Variants in SMYD3 observed in about 807,000 individuals in gnomAD.
SMYD3 encodes SET and MYND domain containing 3.
Under a neutral mutation model 57.7 loss-of-function variants are expected in SMYD3, and 36 were observed. The observed-to-expected ratio is 0.62, with a 90% CI of 0.48 to 0.82. SMYD3 has a LOEUF of 0.82. Among genes scored for constraint, SMYD3 ranks in the 40% least tolerant of loss-of-function variants. The pLI is 0.00. For missense variants in SMYD3, 515 were observed against 538.8 expected, an observed-to-expected ratio of 0.96 and a Z score of 0.44; for synonymous variants, 211 against 195.0, an observed-to-expected ratio of 1.08 and a Z score of -0.68.
intron 1 of SMYD3, among the ~76,000 whole-genome samples, chr1:246,397,813 G>A (rs1394479232): frequency 6.6e-6 from 1 of 152,060 alleles, no homozygotes; most frequent in Non-Finnish European, 1.5e-5. Flanking sequence ...AGGGAATGGG[G>A]AATGCTGACT....
At chr1:246,378,827 A>T (rs1421735130) in intron 1 of SMYD3, among the ~76,000 whole-genome samples, 1 of 114,088 alleles carries the variant, frequency 8.8e-6, no homozygotes, top group African/African-American at 3.4e-5. Flanking sequence ...ATATTTATAT[A>T]GTATATATAA....
chr1:246,301,042 T>C (rs1304744647), intron 5 of SMYD3, among the ~76,000 whole-genome samples: 1 of 152,154 alleles, frequency 6.6e-6, no homozygotes. Context: ...AAGTCGTCAC[T>C]GATTATCAAT....
intron 5 of SMYD3, among the ~76,000 whole-genome samples, chr1:245,943,930 T>G (rs1481588221): frequency 6.6e-6 from 1 of 152,104 alleles, no homozygotes; most frequent in Non-Finnish European, 1.5e-5. Context: ...TTGAGAAAAT[T>G]CAACACCCCC....
At chr1:245,881,165 A>G (rs571518532) in intron 8 of SMYD3, among the ~76,000 whole-genome samples, 1 of 152,328 alleles carries the variant, frequency 6.6e-6, no homozygotes, top group East Asian at 1.9e-4. Flanking sequence ...ATCTAAGTAT[A>G]CCACCAAACC....
At chr1:245,955,220 T>C (rs2057797338) in intron 5 of SMYD3, among the ~76,000 whole-genome samples, 1 of 151,818 alleles carries the variant, frequency 6.6e-6, no homozygotes, top group Non-Finnish European at 1.5e-5. Context: ...GCCTCCTGAG[T>C]AGCTGGGACT....
chr1:246,329,153 G>A (rs1050861223), intron 4 of SMYD3, among the ~76,000 whole-genome samples: 5 of 152,118 alleles, frequency 3.3e-5, no homozygotes, highest in African/African-American at 9.7e-5. Flanking sequence ...ATAAACATAC[G>A]TGTGCATGTG....
intron 1 of SMYD3, among the ~76,000 whole-genome samples, chr1:246,376,470 A>T (rs12021688): frequency 0.23 from 34,507 of 151,284 alleles, 4,255 homozygotes; most frequent in East Asian, 0.51. Flanking sequence ...AGGTGCCTGT[A>T]ATCCCAGCTA....
intron 10 of SMYD3, among the ~76,000 whole-genome samples, chr1:245,811,688 C>A (rs547299297): frequency 3.3e-5 from 5 of 152,308 alleles, no homozygotes; most frequent in African/African-American, 9.6e-5. Context: ...AAACACAGAT[C>A]AGTGAGGAGT....
chr1:245,824,443 G>A (rs1303854506), intron 10 of SMYD3, among the ~76,000 whole-genome samples: 2 of 152,192 alleles, frequency 1.3e-5, no homozygotes, highest in Admixed American at 6.5e-5. Context: ...CAGGCCGGGC[G>A]CAGTGGCTCA....
chr1:246,148,209 G>A (rs983400747), intron 5 of SMYD3, among the ~76,000 whole-genome samples: 1 of 152,146 alleles, frequency 6.6e-6, no homozygotes, highest in Non-Finnish European at 1.5e-5. Context: ...TCCCCTCTGA[G>A]GTCCATAAAA....
intron 1 of SMYD3, among the ~76,000 whole-genome samples, chr1:246,480,646 C>A (rs986056690): frequency 1.3e-5 from 2 of 152,110 alleles, no homozygotes; most frequent in Non-Finnish European, 2.9e-5. Flanking sequence ...TGTCACTGTA[C>A]AGCAAAAATA....
chr1:246,150,042 G>GT (rs1553301068), intron 5 of SMYD3, among the ~76,000 whole-genome samples: 1 of 152,112 alleles, frequency 6.6e-6, no homozygotes, highest in Admixed American at 6.5e-5. Context: ...AAGAAATTCT[G>GT]TTTTTTTAAC....
intron 1 of SMYD3, among the ~76,000 whole-genome samples, chr1:246,386,849 TTGTTATACAATCCTA>T (rs1167600376): frequency 6.6e-6 from 1 of 152,058 alleles, no homozygotes; most frequent in Non-Finnish European, 1.5e-5. Flanking sequence ...CATTATAAGA[TTGTTATACAATCCTA>T]TGTTATACAA....
intron 11 of SMYD3, among the ~76,000 whole-genome samples, chr1:245,762,333 T>C (rs1352098788): frequency 6.6e-6 from 1 of 152,184 alleles, no homozygotes; most frequent in Non-Finnish European, 1.5e-5. Flanking sequence ...TCTAGTCCCA[T>C]ATAAACACAA....
Position 245,829,071 on chromosome 1 carries a change from C to CT in SMYD3, c.1076+29424dup, listed in dbSNP as rs11291631. On this transcript the variant is annotated intron_variant, in intron 10 of 11. Coordinates refer to ENST00000490107, the MANE Select transcript of SMYD3 (RefSeq NM_001167740.2). ...TGTCCTCTTCACCTTCTTAGCCTGG[C>CT]TTTTTTTTTTTTTTTTCTGTACTGC... 9.8e-3 allele frequency among the ~76,000 whole-genome samples: 1,284 copies of CT among 130,700 alleles called. 11 individuals carry two copies. Among genetic ancestry groups the CT allele is most frequent in the African/African-American group, 0.033 (1,154 of 34,862 alleles). The allele number at this position is 130,700 out of a possible 152,430, so 85.7% of individuals were successfully genotyped here. A position where few individuals can be genotyped will look rare whatever the true frequency, so the allele number is the denominator to read the frequency against.
chr1:246,427,146 T>C (rs955262210), intron 1 of SMYD3, among the ~76,000 whole-genome samples: 4 of 152,178 alleles, frequency 2.6e-5, no homozygotes, highest in African/African-American at 9.7e-5. Context: ...AAATGTCATA[T>C]TGGAACACAC....
rs1309872022 is a variant in SMYD3, at chr1:246,248,631, C to CTTGTTTTTTTTTTTTTT, written c.531+78569_531+78570insAAAAAAAAAAAAAACAA. Reference sequence around the variant, plus strand: ...GGCCAGTTATGCAAAAGCTCTCTGACTTTCCTTTTTTTTTTTTTTTTTTTT... The same window carrying CTTGTTTTTTTTTTTTTT: ...GGCCAGTTATGCAAAAGCTCTCTGACTTGTTTTTTTTTTTTTTTTTCCTTTTTTTTTTTTTTTTTTTT... On this transcript the variant is annotated intron_variant, in intron 5 of 11. Coordinates refer to ENST00000490107, the MANE Select transcript of SMYD3 (RefSeq NM_001167740.2). Among the ~76,000 whole-genome samples, 24 of 119,238 alleles carry CTTGTTTTTTTTTTTTTT rather than the reference C, an allele frequency of 2.0e-4. 4 individuals are homozygous for CTTGTTTTTTTTTTTTTT. The highest frequency in any genetic ancestry group is 4.4e-4 in the African/African-American group (13 of 29,300). The allele number at this position is 119,238 out of a possible 152,430, so 78.2% of individuals were successfully genotyped here.
intron 5 of SMYD3, among the ~76,000 whole-genome samples, chr1:246,230,149 T>G (rs1436801228): frequency 6.6e-6 from 1 of 152,234 alleles, no homozygotes; most frequent in Non-Finnish European, 1.5e-5. Context: ...CCATGACTTT[T>G]CCTAAAGCCA....
intron 1 of SMYD3, among the ~76,000 whole-genome samples, chr1:246,371,345 C>G (rs974916178): frequency 1.3e-5 from 2 of 152,156 alleles, no homozygotes; most frequent in Non-Finnish European, 2.9e-5. Flanking sequence ...CCAAGATGAA[C>G]TGCAGAAAAG....
Sources: allele counts gnomAD v4.1 joint callset (sites outside exome capture counted in the v4.1 genomes callset), GRCh38; gene constraint gnomAD v4.1.1; transcripts MANE v1.5; gene names NCBI Gene and HGNC (gene_info 2026-07-23, HGNC 2026-07-21).